The following TRIP11 variants were observed in gnomAD, a reference collection of about 807,000 sequenced individuals.
TRIP11 encodes thyroid receptor-interacting protein 11.
A neutral mutation model predicts 223.1 loss-of-function variants in TRIP11; 148 were observed. The ratio of observed to expected loss-of-function variants is 0.66; its 90% confidence interval spans 0.58 to 0.76. The LOEUF is 0.76. Among genes scored for constraint, TRIP11 ranks in the 30% least tolerant of loss-of-function variants. The pLI is 0.00. For synonymous variants in TRIP11, 762 were observed against 772.6 expected (o/e 0.99, Z 0.23); for missense variants, 2,043 against 2,222.0 (o/e 0.92, Z 1.62).
At chr14:91,973,251 C>T (rs1164816386) in intron 19 of TRIP11, among the ~76,000 whole-genome samples, 9 of 152,122 alleles carry the variant, frequency 5.9e-5, no homozygotes, top group Admixed American at 5.2e-4. Flanking sequence ...GTCTCAAACT[C>T]CTGACCCTGT....
At position 91,969,962 on chromosome 14, in the gene TRIP11, G is replaced by GTACA. The variant is rs3832961; in HGVS notation, c.5720-70_5720-69insTGTA. 10,340 of 1,396,212 alleles carry GTACA rather than the reference G, an allele frequency of 7.4e-3. 337 individuals carry two copies. The African/African-American group carries it at 0.078, about 10-fold the overall frequency. 86.5% of individuals were successfully genotyped at this position (1,396,212 alleles called of 1,614,324 possible). A position where few individuals can be genotyped will look rare whatever the true frequency, so the allele number is the denominator to read the frequency against. ...AAGTCAAAATGAAATAACTCTGAAT[G>GTACA]TAATAGCATAAAGTTATCTGTGTAA... On this transcript the variant is annotated intron_variant, in intron 20 of 20. Transcript: ENST00000267622.
chr14:91,976,050 T>C, intron 17 of TRIP11, 58 bp downstream of exon 17: 1 of 1,530,804 alleles, frequency 6.5e-7, no homozygotes, highest in Non-Finnish European at 8.9e-7. Context: ...AGAAGTTTTT[T>C]TTTAACCATA....
Position 92,005,254 on chromosome 14 carries a change from G to T in TRIP11, c.2722C>A (p.Leu908Ile). 6.2e-7 allele frequency: 1 copy of T among 1,614,126 alleles called. No homozygotes were observed. ...VSQLNTIKEH[L>I]EEEIKHHQKI... Reference sequence around the variant, plus strand: ...TGATGATGTTTAATTTCCTCTTCAAGATGTTCCTTGATCGTGTTCAGTTGA... The same window carrying T: ...TGATGATGTTTAATTTCCTCTTCAATATGTTCCTTGATCGTGTTCAGTTGA... The change falls in exon 11 of 21, where the codon CTT becomes ATT. Residue 908 changes from leucine (L) to isoleucine (I), a missense_variant. Coordinates refer to ENST00000267622, the MANE Select transcript of TRIP11 (RefSeq NM_004239.4).
At chr14:92,020,486 T>G (rs1043421005) in intron 4 of TRIP11, among the ~76,000 whole-genome samples, 1 of 152,046 alleles carries the variant, frequency 6.6e-6, no homozygotes, top group Admixed American at 6.6e-5. Flanking sequence ...AATTACCAGA[T>G]TTTCATTTTA....
Position 91,987,603 on chromosome 14 carries a change from C to T in TRIP11, c.5260+681G>A, listed in dbSNP as rs1464871573. 3.3e-5 allele frequency among the ~76,000 whole-genome samples: 5 copies of T among 152,096 alleles called. No homozygotes were observed. In the East Asian group the frequency reaches 7.7e-4, roughly 23 times the overall value. On this transcript the variant is annotated intron_variant, in intron 16 of 20. Transcript: ENST00000267622. ...GCTCCGTTATCACCTTTCCAATAAC[C>T]CTGAATCATTACCTACTAAATGCAG... is the stretch of plus-strand genomic sequence containing the variant.
chr14:91,990,094 A>G (rs1745672373), intron 15 of TRIP11, among the ~76,000 whole-genome samples: 2 of 152,178 alleles, frequency 1.3e-5, no homozygotes, highest in Admixed American at 1.3e-4. Context: ...GTATCCATAT[A>G]TATCAATATA....
chr14:91,971,776 A>G (rs1179452054), intron 20 of TRIP11, among the ~76,000 whole-genome samples: 2 of 152,318 alleles, frequency 1.3e-5, no homozygotes, highest in Admixed American at 1.3e-4. Flanking sequence ...AGGCAAAACT[A>G]CTTACTACCT....
Position 92,006,028 on chromosome 14 carries a change from C to T in TRIP11, c.1948G>A (p.Glu650Lys), listed in dbSNP as rs988886119. The T allele has an allele frequency of 6.3e-7, 1 of 1,585,972 alleles. No individual in the cohort carries two copies. Among genetic ancestry groups the T allele is most frequent in the Non-Finnish European group, 8.5e-7 (1 of 1,170,508 alleles). ...AGATTTTGCTTTAAGTTTCTAACTT[C>T]AGCTTCTCTTTCTTTAAGTAAGGTA... ...KDTLLKEREA[E>K]VRNLKQNLSE... The change falls in exon 11 of 21, where the codon GAA (glutamate) becomes AAA (lysine). Residue 650 changes from glutamate (E) to lysine (K), a missense_variant. Coordinates refer to ENST00000267622, the MANE Select transcript of TRIP11 (RefSeq NM_004239.4).
At chr14:92,031,093 TTTTA>T (rs891590397) in intron 2 of TRIP11, among the ~76,000 whole-genome samples, 1 of 151,496 alleles carries the variant, frequency 6.6e-6, no homozygotes, top group Non-Finnish European at 1.5e-5. Context: ...CTACAAAAAA[TTTTA>T]TTTATTTATT....
chr14:92,024,684 C>T (rs2057159463), intron 3 of TRIP11, among the ~76,000 whole-genome samples: 1 of 152,086 alleles, frequency 6.6e-6, no homozygotes, highest in African/African-American at 2.4e-5. Context: ...TCCAAATGAT[C>T]TGGACAATAT....
chr14:91,977,788 A>C (rs953814207), intron 16 of TRIP11, among the ~76,000 whole-genome samples: 8 of 152,284 alleles, frequency 5.3e-5, no homozygotes, highest in Admixed American at 3.9e-4. Context: ...CACAATGCCC[A>C]AAATTCCGAT....
At chr14:91,977,228 A>T (rs1218054172) in intron 16 of TRIP11, 2 of 454,874 alleles carry the variant, frequency 4.4e-6, no homozygotes, top group Non-Finnish European at 8.8e-6. Context: ...GTGAGTTGTC[A>T]TCTCACTTTC....
chr14:92,012,209 C>T (rs1479510058), intron 7 of TRIP11, among the ~76,000 whole-genome samples: 2 of 152,042 alleles, frequency 1.3e-5, no homozygotes, highest in Admixed American at 1.3e-4. Context: ...CACCACAATA[C>T]CATAATCTCT....
intron 20 of TRIP11, among the ~76,000 whole-genome samples, chr14:91,972,157 C>A (rs1426001399): frequency 2.0e-5 from 3 of 152,206 alleles, no homozygotes. Flanking sequence ...TTAACCACCA[C>A]CAACCGTCCG....
Position 92,037,063 on chromosome 14 carries a change from T to C in TRIP11, c.139+2484A>G, listed in dbSNP as rs1216057222. 4.6e-5 allele frequency among the ~76,000 whole-genome samples: 7 copies of C among 152,110 alleles called. No individual in the cohort carries two copies. Among genetic ancestry groups the C allele is most frequent in the African/African-American group, 1.4e-4 (6 of 41,420 alleles). The stretch of plus-strand genomic sequence containing the variant: ...TTTAAAAATTTACAAAATCAATAAA[T>C]TAGGTGTTAAGCAAGTCCGATTGAA... On this transcript the variant is annotated intron_variant, in intron 1 of 20. Coordinates refer to ENST00000267622, the MANE Select transcript of TRIP11 (RefSeq NM_004239.4). This position sits in a 1 kb window ranked among gnomAD's most constrained non-coding sequence, Gnocchi z 4.2.
intron 7 of TRIP11, 92 bp from the exon 8 acceptor site, chr14:92,011,887 T>C: frequency 8.5e-7 from 1 of 1,179,070 alleles, no homozygotes; most frequent in Non-Finnish European, 1.2e-6. Context: ...CCAATTAAAG[T>C]GTATATAAGC....
At position 92,014,486 on chromosome 14, in the gene TRIP11, G is replaced by A; in HGVS notation, c.915C>T (p.Thr305=). 6.3e-7 allele frequency: 1 copy of A among 1,593,790 alleles called. No individual in the cohort carries two copies. Among genetic ancestry groups the A allele is most frequent in the Non-Finnish European group, 8.5e-7 (1 of 1,174,140 alleles). ...QVLQIEKVES[T]KKMEQLEDKI... ...TATCCTCAAGTTGTTCCATTTTTTTGGTAGACTCCACTTTTTCTATTTGTA... is the reference window on the plus strand; with the variant it reads ...TATCCTCAAGTTGTTCCATTTTTTTAGTAGACTCCACTTTTTCTATTTGTA... Residue 305 remains threonine, a synonymous_variant, in exon 7 of 21, where the codon ACC becomes ACT. Transcript: ENST00000267622.
chr14:92,008,774 A>G (rs574187086), intron 9 of TRIP11, among the ~76,000 whole-genome samples: 3 of 152,174 alleles, frequency 2.0e-5, no homozygotes, highest in Non-Finnish European at 4.4e-5. Context: ...GCTGAGGCAG[A>G]AGGATTACTT....
chr14:92,029,283 T>TTA (rs1872301567), intron 2 of TRIP11, among the ~76,000 whole-genome samples: 2 of 16,908 alleles, frequency 1.2e-4, no homozygotes, highest in African/African-American at 5.4e-4. Context: ...AAGTATTATT[T>TTA]TTTTTTTTTT....
Sources: allele counts gnomAD v4.1 joint callset (sites outside exome capture counted in the v4.1 genomes callset), GRCh38; gene constraint gnomAD v4.1.1; non-coding constraint Gnocchi (gnomAD v3.1); transcripts MANE v1.5; gene names NCBI Gene and HGNC (gene_info 2026-07-23, HGNC 2026-07-21).